SERTM1: variants seen among roughly 807,000 people sequenced by gnomAD.
SERTM1 encodes serine rich and transmembrane domain containing 1.
A neutral mutation model predicts 5.5 loss-of-function variants in SERTM1; 1 was observed. The ratio of observed to expected loss-of-function variants is 0.18; its 90% CI spans 0.06 to 0.86. The LOEUF is 0.86. Among genes scored for constraint, SERTM1 ranks in the 40% least tolerant of loss-of-function variants. The probability of loss-of-function intolerance (pLI) is 0.69; values close to 1 mark genes in which losing one functional copy is unlikely to be tolerated. For synonymous variants in SERTM1, 52 were observed against 55.1 expected (o/e 0.94, Z 0.25); for missense variants, 91 against 122.4 (o/e 0.74, Z 1.21).
intron 1 of SERTM1, among the ~76,000 whole-genome samples, chr13:36,677,684 C>A (rs1029606478): frequency 6.6e-6 from 1 of 152,166 alleles, no homozygotes; most frequent in African/African-American, 2.4e-5. Context: ...GAACATTCAA[C>A]GTATAGATTC....
intron 1 of SERTM1, among the ~76,000 whole-genome samples, chr13:36,691,413 ATGG>A (rs2056777566): frequency 6.6e-6 from 1 of 152,262 alleles, no homozygotes; most frequent in African/African-American, 2.4e-5. Context: ...CACTGGGCAC[ATGG>A]TGAGAGACTG....
At chr13:36,687,357 C>T (rs759943172) in intron 1 of SERTM1, among the ~76,000 whole-genome samples, 6 of 152,070 alleles carry the variant, frequency 3.9e-5, no homozygotes, top group African/African-American at 7.2e-5. Flanking sequence ...TACATGATTA[C>T]GGTTGTCAAT....
chr13:36,690,993 C>T lies in SERTM1; in HGVS notation c.-173-3913C>T, dbSNP rs183205755. Among the ~76,000 whole-genome samples the T allele has an allele frequency of 7.2e-5, 11 of 152,324 alleles. No homozygotes were observed. The East Asian group carries it at 1.9e-3, about 27-fold the overall frequency. Reference sequence around the variant, plus strand: ...CAGTTTTCCACAACAACAACAAAAACCTTTCAAATAGTCGTTATTCACATA... The same window carrying T: ...CAGTTTTCCACAACAACAACAAAAATCTTTCAAATAGTCGTTATTCACATA... On this transcript the variant is annotated intron_variant, in intron 1 of 1. Coordinates refer to ENST00000315190, the MANE Select transcript of SERTM1 (RefSeq NM_203451.3).
chr13:36,691,697 C>A (rs1174866194), intron 1 of SERTM1, among the ~76,000 whole-genome samples: 2 of 152,098 alleles, frequency 1.3e-5, no homozygotes, highest in Non-Finnish European at 2.9e-5. Context: ...CTGGCGCTGC[C>A]CCGAGACAGG....
At chr13:36,693,690 C>T (rs1013945108) in intron 1 of SERTM1, among the ~76,000 whole-genome samples, 1 of 152,076 alleles carries the variant, frequency 6.6e-6, no homozygotes, top group Admixed American at 6.5e-5. Flanking sequence ...ATTTGGAGAA[C>T]AGAAGGAAAA....
Position 36,678,857 on chromosome 13 carries a change from T to C in SERTM1, c.-174+4673T>C, listed in dbSNP as rs1475554016. ...TACTTTTAAACTTGTCTGATTTTTT[T>C]CTCCATTGGATAAATTCTTAAAATG... On this transcript the variant is annotated intron_variant, in intron 1 of 1. Coordinates refer to ENST00000315190, the MANE Select transcript of SERTM1 (RefSeq NM_203451.3). Among the ~76,000 whole-genome samples the C allele has an allele frequency of 2.6e-5, 4 of 152,056 alleles. No individual in the cohort carries two copies. The East Asian group carries it at 7.7e-4, about 29-fold the overall frequency.
chr13:36,692,485 G>A (rs1385919645), intron 1 of SERTM1, among the ~76,000 whole-genome samples: 1 of 152,206 alleles, frequency 6.6e-6, no homozygotes, highest in Non-Finnish European at 1.5e-5. Flanking sequence ...GGTAGCTTTA[G>A]AAAAATCAGC....
At chr13:36,684,736 T>C (rs1241642218) in intron 1 of SERTM1, among the ~76,000 whole-genome samples, 2 of 151,476 alleles carry the variant, frequency 1.3e-5, no homozygotes, top group Non-Finnish European at 2.9e-5. Flanking sequence ...TGGGTGAAAG[T>C]GTAGGCTATT....
In SERTM1 at chr13:36,695,172, G is replaced by C. The variant is rs1354769461; in HGVS notation, c.94G>C (p.Asp32His). ...TCCCACATCCCTGTCCACGTCAGTG[G>C]ACCCATCCTCAGGCCACCTGTCAAA... ...LFPTSLSTSVDPSSGHLSNVY... is the reference protein window; with the variant it reads ...LFPTSLSTSVHPSSGHLSNVY... The change falls in exon 2 of 2, where the codon GAC becomes CAC. Residue 32 changes from aspartate (D) to histidine (H), a missense_variant. Asp to His is a moderately conservative substitution (Grantham distance 81). Transcript: ENST00000315190. 1 of 1,614,048 alleles carries C rather than the reference G, an allele frequency of 6.2e-7. No individual in the cohort carries two copies. Among genetic ancestry groups the C allele is most frequent in the Non-Finnish European group, 8.5e-7 (1 of 1,180,014 alleles).
At chr13:36,682,714 G>A (rs2056713179) in intron 1 of SERTM1, among the ~76,000 whole-genome samples, 1 of 152,134 alleles carries the variant, frequency 6.6e-6, no homozygotes. Context: ...GATCATAAGG[G>A]ACAGACCATA....
rs1175111839 is a variant in SERTM1, at chr13:36,697,554, T to C, written c.*2152T>C. 6.0e-6 allele frequency: 1 copy of C among 166,790 alleles called. No individual in the cohort carries two copies. The highest frequency in any genetic ancestry group is 1.5e-5 in the Non-Finnish European group (1 of 68,074). 10.3% of individuals were successfully genotyped at this position (166,790 alleles called of 1,614,324 possible). A position where few individuals can be genotyped will look rare whatever the true frequency, so the allele number is the denominator to read the frequency against. On this transcript the variant is annotated 3_prime_UTR_variant, in exon 2 of 2. Coordinates refer to ENST00000315190, the MANE Select transcript of SERTM1 (RefSeq NM_203451.3). ...CTGTCCTCAGGGTATCTTTATATCCTTTCCATGTGAAAGAGATATAAAGAA... is the reference window on the plus strand; with the variant it reads ...CTGTCCTCAGGGTATCTTTATATCCCTTCCATGTGAAAGAGATATAAAGAA...
intron 1 of SERTM1, among the ~76,000 whole-genome samples, chr13:36,689,311 G>A (rs2056762301): frequency 6.6e-6 from 1 of 151,960 alleles, no homozygotes; most frequent in Non-Finnish European, 1.5e-5. Context: ...TTCGAGACTA[G>A]CCTGGCCAAC....
Position 36,674,045 on chromosome 13 carries a change from G to C in SERTM1, c.-313G>C, listed in dbSNP as rs1228709725. On this transcript the variant is annotated 5_prime_UTR_variant, in exon 1 of 2. Coordinates refer to ENST00000315190, the MANE Select transcript of SERTM1 (RefSeq NM_203451.3). The stretch of plus-strand genomic sequence containing the variant: ...ACTCCCGCTGCGCCTGCTGTCCGCC[G>C]TGCGCCCAGACTGCGCGCCGCGCCG... 2.6e-5 allele frequency: 4 copies of C among 152,278 alleles called. No individual in the cohort carries two copies. Among genetic ancestry groups the C allele is most frequent in the South Asian group, 4.1e-4 (2 of 4,836 alleles). The allele number at this position is 152,278 out of a possible 1,614,324, so 9.4% of individuals were successfully genotyped here.
intron 1 of SERTM1, among the ~76,000 whole-genome samples, chr13:36,688,533 G>A (rs2056757121): frequency 6.6e-6 from 1 of 152,070 alleles, no homozygotes. Context: ...CTGAAAGGTT[G>A]TCTAGTTTTG....
intron 1 of SERTM1, among the ~76,000 whole-genome samples, chr13:36,680,776 C>T (rs771885682): frequency 1.1e-4 from 17 of 151,600 alleles, no homozygotes; most frequent in Admixed American, 6.6e-4. Flanking sequence ...GGTTTTGAGA[C>T]GGAGTCTCGC....
Position 36,696,129 on chromosome 13 carries a change from T to C in SERTM1, c.*727T>C. On this transcript the variant is annotated 3_prime_UTR_variant, in exon 2 of 2. Transcript: ENST00000315190. ...TTTTAGTCATAATGCCACAAAGTTG[T>C]GGAATTTTTGTGATTAATTGCTGTT... 6.0e-6 allele frequency: 1 copy of C among 167,020 alleles called. No individual in the cohort carries two copies. The allele number at this position is 167,020 out of a possible 1,614,324, so 10.3% of individuals were successfully genotyped here.
intron 1 of SERTM1, among the ~76,000 whole-genome samples, chr13:36,682,883 T>C (rs2056714660): frequency 6.6e-6 from 1 of 152,146 alleles, no homozygotes; most frequent in African/African-American, 2.4e-5. Flanking sequence ...ATAGTTTTTC[T>C]TTTTCTTCTT....
chr13:36,694,129 G>A (rs949417806), intron 1 of SERTM1, among the ~76,000 whole-genome samples: 1 of 152,164 alleles, frequency 6.6e-6, no homozygotes, highest in Non-Finnish European at 1.5e-5. Flanking sequence ...AGATGAAGCA[G>A]GTGTTGGACC....
In SERTM1 at chr13:36,678,679, T is replaced by TTATATATATATATATA. The variant is rs765476413; in HGVS notation, c.-174+4496_-174+4511dup. Among the ~76,000 whole-genome samples the TTATATATATATATATA allele has an allele frequency of 1.8e-3, 243 of 133,718 alleles. 8 individuals are homozygous for TTATATATATATATATA. The highest frequency in any genetic ancestry group is 5.9e-3 in the African/African-American group (209 of 35,524). The allele number at this position is 133,718 out of a possible 152,430, so 87.7% of individuals were successfully genotyped here. A position where few individuals can be genotyped will look rare whatever the true frequency, so the allele number is the denominator to read the frequency against. The stretch of plus-strand genomic sequence containing the variant: ...CCTGGAACTTAAAATAAAATAAAAT[T>TTATATATATATATATA]TATATATATATATATAAAATATAGT... On this transcript the variant is annotated intron_variant, in intron 1 of 1. Coordinates refer to ENST00000315190, the MANE Select transcript of SERTM1 (RefSeq NM_203451.3).
Sources: gnomAD v4.1 joint callset for allele counts (sites outside exome capture counted in the v4.1 genomes callset) on GRCh38, gnomAD v4.1.1 for gene constraint, MANE v1.5 for transcripts, NCBI Gene and HGNC (gene_info 2026-07-23, HGNC 2026-07-21) for gene names.